The following BNIP2 variants were observed in gnomAD, a reference collection of about 807,000 sequenced individuals.
BNIP2 encodes BCL2 interacting protein 2, also known as BCL2/adenovirus E1B 19 kDa protein-interacting protein 2.
A neutral mutation model predicts 43.4 loss-of-function variants in BNIP2; 36 were observed. The ratio of observed to expected loss-of-function variants is 0.83; its 90% CI spans 0.64 to 1.10. BNIP2 has a LOEUF of 1.10. BNIP2 is among the 50% of genes least tolerant of loss of function. BNIP2 has a pLI of 0.00. For missense variants in BNIP2, 417 were observed against 374.1 expected, an observed-to-expected ratio of 1.11 and a Z score of -0.95; for synonymous variants, 146 against 121.0, an observed-to-expected ratio of 1.21 and a Z score of -1.35.
rs1016887819 is a variant in BNIP2 at position 59,682,346 on chromosome 15, T to C, written c.50+62A>G. ...CGTCTCAAAAAAAAAAAAAGTAACA[T>C]CTCGATAAAGAAATTTTGAACTTTT... On this transcript the variant is annotated intron_variant, in intron 2 of 9. Coordinates refer to ENST00000607373, the MANE Select transcript of BNIP2 (RefSeq NM_004330.4). The C allele has an allele frequency of 2.5e-5, 36 of 1,455,216 alleles. No individual in the cohort carries two copies. The Middle Eastern group carries it at 7.2e-4, about 29-fold the overall frequency. The allele number at this position is 1,455,216 out of a possible 1,614,324, so 90.1% of individuals were successfully genotyped here.
intron 3 of BNIP2, among the ~76,000 whole-genome samples, 173 bp downstream of exon 3, chr15:59,680,065 GTTT>G (rs1281535970): frequency 2.7e-5 from 4 of 150,802 alleles, no homozygotes; most frequent in Non-Finnish European, 5.9e-5. Flanking sequence ...CCAAGTGTAT[GTTT>G]TTGGAATTTT....
At chr15:59,682,655 T>A in intron 1 of BNIP2, 141 bp from the exon 2 acceptor site, 1 of 478,868 alleles carries the variant, frequency 2.1e-6, no homozygotes, top group Non-Finnish European at 3.4e-6. Context: ...GGGTTGCAAT[T>A]TTTTTTTTTT....
At chr15:59,674,623 G>T (rs1189105151) in intron 5 of BNIP2, among the ~76,000 whole-genome samples, 1 of 152,136 alleles carries the variant, frequency 6.6e-6, no homozygotes, top group Non-Finnish European at 1.5e-5. Flanking sequence ...GAATGCATCT[G>T]GCAGAGAGTA....
chr15:59,663,725 C>A lies in BNIP2; in HGVS notation c.*344G>T, dbSNP rs574298470. On this transcript the variant is annotated 3_prime_UTR_variant, in exon 10 of 10. Transcript: ENST00000607373. ...AATGACATAAAAATATATATTATTTCTTTCCTTTGCCATTTATGCATATAA... is the reference window on the plus strand; with the variant it reads ...AATGACATAAAAATATATATTATTTATTTCCTTTGCCATTTATGCATATAA... 35 of 170,910 alleles carry A rather than the reference C, an allele frequency of 2.0e-4. No homozygotes were observed. The highest frequency in any genetic ancestry group is 1.1e-3 in the Admixed American group (17 of 15,858). 10.6% of individuals were successfully genotyped at this position (170,910 alleles called of 1,614,324 possible).
rs1300038494 is a variant in BNIP2 at position 59,662,317 on chromosome 15, G to A, written c.*1752C>T. The A allele has an allele frequency of 6.6e-6, 1 of 152,328 alleles. No homozygotes were observed. The highest frequency in any genetic ancestry group is 1.9e-4 in the East Asian group (1 of 5,192). 9.4% of individuals were successfully genotyped at this position (152,328 alleles called of 1,614,324 possible). A position where few individuals can be genotyped will look rare whatever the true frequency, so the allele number is the denominator to read the frequency against. On this transcript the variant is annotated 3_prime_UTR_variant, in exon 10 of 10. Transcript: ENST00000607373. The stretch of plus-strand genomic sequence containing the variant: ...CTTATATGGTAAATTCAGAAGGAAT[G>A]CCTAACTTGTTATTGTTAGTTTGCT...
chr15:59,678,362 T>C lies in BNIP2; in HGVS notation c.296-275A>G, dbSNP rs921891601. 14 of 1,149,330 alleles carry C rather than the reference T, an allele frequency of 1.2e-5. No homozygotes were observed. The East Asian group carries it at 7.1e-4, about 58-fold the overall frequency. The allele number at this position is 1,149,330 out of a possible 1,614,324, so 71.2% of individuals were successfully genotyped here. ...TATCCACAAGTTCAGAAAATATAAT[T>C]TGTAGAGTCATCAAAATCTTAGTAC... On this transcript the variant is annotated intron_variant, in intron 4 of 9. Coordinates refer to ENST00000607373, the MANE Select transcript of BNIP2 (RefSeq NM_004330.4).
intron 4 of BNIP2, chr15:59,678,325 T>G (rs759137588): frequency 4.0e-5 from 50 of 1,244,824 alleles, no homozygotes; most frequent in Middle Eastern, 3.2e-4. Context: ...CACCTAATCA[T>G]AGTGAAACGT....
At chr15:59,686,349 A>G (rs1207212801) in intron 1 of BNIP2, among the ~76,000 whole-genome samples, 1 of 152,170 alleles carries the variant, frequency 6.6e-6, no homozygotes. Flanking sequence ...CAGAAGTTCA[A>G]GCCTAGCTTG....
In BNIP2 at chr15:59,668,863, T is replaced by C. The variant is rs144942978; in HGVS notation, c.893+29A>G. ...TGCACATCAAAATGTTAAGATCCAATACAATTAAGGAAATAAAACAAAACA... is the reference window on the plus strand; with the variant it reads ...TGCACATCAAAATGTTAAGATCCAACACAATTAAGGAAATAAAACAAAACA... On this transcript the variant is annotated intron_variant, in intron 9 of 9. Transcript: ENST00000607373. 3.4e-4 allele frequency: 523 copies of C among 1,549,248 alleles called. 2 individuals are homozygous for C. The African/African-American group carries it at 6.6e-3, about 19-fold the overall frequency.
chr15:59,665,762 A>G (rs1247741296), intron 9 of BNIP2, among the ~76,000 whole-genome samples: 2 of 152,242 alleles, frequency 1.3e-5, no homozygotes, highest in South Asian at 2.1e-4. Context: ...ACAGTCTATT[A>G]CTATTACATT....
At chr15:59,677,680 T>C (rs1893393019) in intron 5 of BNIP2, 2 of 1,188,838 alleles carry the variant, frequency 1.7e-6, no homozygotes, top group Non-Finnish European at 1.1e-6. Context: ...ACATCAGATG[T>C]CTTGAGAAAG....
At position 59,659,632 on chromosome 15, in the gene BNIP2, A is replaced by G. The variant is rs1847610702; in HGVS notation, c.*4437T>C. 6.6e-6 allele frequency: 1 copy of G among 152,226 alleles called. No individual in the cohort carries two copies. The highest frequency in any genetic ancestry group is 1.5e-5 in the Non-Finnish European group (1 of 68,032). The allele number at this position is 152,226 out of a possible 1,614,324, so 9.4% of individuals were successfully genotyped here. A position where few individuals can be genotyped will look rare whatever the true frequency, so the allele number is the denominator to read the frequency against. ...TACAAAGTCCACATACAAAAAGTGC[A>G]GTGTAGAAGCTGATGAATGTTATTT... On this transcript the variant is annotated 3_prime_UTR_variant, in exon 10 of 10. Transcript: ENST00000607373.
rs1027169293 is a variant in BNIP2, at chr15:59,659,149, G to T, written c.*4920C>A. The T allele has an allele frequency of 3.3e-5, 5 of 152,154 alleles. No individual in the cohort carries two copies. The highest frequency in any genetic ancestry group is 1.2e-4 in the African/African-American group (5 of 41,420). The allele number at this position is 152,154 out of a possible 1,614,324, so 9.4% of individuals were successfully genotyped here. A position where few individuals can be genotyped will look rare whatever the true frequency, so the allele number is the denominator to read the frequency against. ...ATGTGATAAAAAGACAAAGACGAAC[G>T]TTCCAATTAATTTATTTAAATTCAT... On this transcript the variant is annotated 3_prime_UTR_variant, in exon 10 of 10. Coordinates refer to ENST00000607373, the MANE Select transcript of BNIP2 (RefSeq NM_004330.4).
At chr15:59,674,898 C>T (rs758104932) in intron 5 of BNIP2, among the ~76,000 whole-genome samples, 21 of 152,064 alleles carry the variant, frequency 1.4e-4, no homozygotes, top group Non-Finnish European at 2.6e-4. Context: ...TTTTGTATAT[C>T]CCATAAGTAT....
intron 7 of BNIP2, among the ~76,000 whole-genome samples, chr15:59,670,210 G>A (rs141078855): frequency 3.4e-4 from 51 of 152,184 alleles, no homozygotes; most frequent in East Asian, 7.7e-4. Flanking sequence ...CAGGTGGATC[G>A]CTTTAGTCCA....
intron 9 of BNIP2, among the ~76,000 whole-genome samples, chr15:59,664,870 A>T (rs898409094): frequency 6.6e-6 from 1 of 152,254 alleles, no homozygotes; most frequent in Non-Finnish European, 1.5e-5. Flanking sequence ...ATTCAGTGAT[A>T]AAAAATGCAT....
chr15:59,675,174 G>T (rs745805767), intron 5 of BNIP2, among the ~76,000 whole-genome samples: 7 of 151,352 alleles, frequency 4.6e-5, no homozygotes, highest in Non-Finnish European at 1.0e-4. Context: ...GCTTGAGCCT[G>T]GGAGGCAGAG....
chr15:59,684,206 C>T (rs1287957922), intron 1 of BNIP2, among the ~76,000 whole-genome samples: 1 of 152,104 alleles, frequency 6.6e-6, no homozygotes, highest in Non-Finnish European at 1.5e-5. Flanking sequence ...TTTAAACATT[C>T]CCAAAAGGTT....
intron 6 of BNIP2, among the ~76,000 whole-genome samples, chr15:59,671,792 T>G (rs1398818853): frequency 6.6e-6 from 1 of 152,186 alleles, no homozygotes; most frequent in Non-Finnish European, 1.5e-5. Context: ...AATCACTTCT[T>G]TACACTTAAT....
Sources: gnomAD v4.1 joint callset for allele counts (sites outside exome capture counted in the v4.1 genomes callset) on GRCh38, gnomAD v4.1.1 for gene constraint, MANE v1.5 for transcripts, NCBI Gene and HGNC (gene_info 2026-07-23, HGNC 2026-07-21) for gene names.